Variants in PALS1 observed in about 807,000 individuals in gnomAD.
PALS1 encodes protein associated with LIN7 1, MAGUK p55 family member, also known as protein PALS1.
PALS1 carries 31 observed loss-of-function variants against 78.9 expected under a neutral mutation model. The ratio of observed to expected loss-of-function variants is 0.39; its 90% confidence interval spans 0.30 to 0.53. The LOEUF (loss-of-function observed/expected upper bound fraction) is 0.53, where lower values mean the gene tolerates loss of function less well. Ranked by LOEUF, PALS1 falls within the 20% of genes least tolerant of loss-of-function variation. The pLI, the probability that PALS1 is intolerant of heterozygous loss-of-function variation, is 0.67. For synonymous variants in PALS1, 276 were observed against 270.9 expected, an observed-to-expected ratio of 1.02 and a Z score of -0.18; for missense variants, 704 against 826.5, an observed-to-expected ratio of 0.85 and a Z score of 1.82.
chr14:67,319,610 TAA>T (rs11366985), intron 11 of PALS1, among the ~76,000 whole-genome samples: 3,967 of 128,530 alleles, frequency 0.031, 57 homozygotes, highest in East Asian at 0.065. Context: ...GCTGATGAGC[TAA>T]AAAAAAAAAA....
chr14:67,307,292 T>C (rs1452749478), intron 8 of PALS1, among the ~76,000 whole-genome samples: 1 of 146,918 alleles, frequency 6.8e-6, no homozygotes, highest in East Asian at 2.2e-4. Context: ...TGTAAAACTT[T>C]AGATTATTCT....
rs761988976 is a variant in PALS1, at chr14:67,312,547, T to A, written c.1062T>A (p.Phe354Leu). 1.3e-6 allele frequency: 2 copies of A among 1,587,684 alleles called. No individual in the cohort carries two copies. Among genetic ancestry groups the A allele is most frequent in the African/African-American group, 2.7e-5 (2 of 74,500 alleles). Residue 354 changes from phenylalanine to leucine, a missense_variant, in exon 9 of 15, where the codon TTT (phenylalanine) becomes TTA (leucine). Transcript: ENST00000261681. ...KETVIHVKAH[F>L]DYDPSDDPYV... ...TTTAGATCCATGTAAAAGCTCATTT[T>A]GACTATGACCCCTCAGATGACCCTT...
chr14:67,252,831 T>G lies in PALS1; in HGVS notation c.-237+11298T>G, dbSNP rs572753773. Among the ~76,000 whole-genome samples, 3 of 152,372 alleles carry G rather than the reference T, an allele frequency of 2.0e-5. No homozygotes were observed. The South Asian group carries it at 6.2e-4, about 32-fold the overall frequency. ...GTGAGCTAAATATTAGAGACTGTTC[T>G]GTTCTAGTCATCTCCCATAAACAGA... On this transcript the variant is annotated intron_variant, in intron 1 of 14. Coordinates refer to ENST00000261681, the MANE Select transcript of PALS1 (RefSeq NM_022474.4).
chr14:67,272,323 C>A (rs1323215428), intron 2 of PALS1, among the ~76,000 whole-genome samples: 1 of 152,178 alleles, frequency 6.6e-6, no homozygotes, highest in Non-Finnish European at 1.5e-5. Flanking sequence ...CATCTTCCCA[C>A]CTTTGGTTCA....
At chr14:67,321,344 G>T in intron 13 of PALS1, 85 bp downstream of exon 13, 2 of 1,262,534 alleles carry the variant, frequency 1.6e-6, no homozygotes, top group South Asian at 2.5e-5. Context: ...TTTGGTCCAA[G>T]AACAGCGCGA....
In PALS1 at chr14:67,269,731, C is replaced by T. The variant is rs966636260; in HGVS notation, c.-206C>T. The T allele has an allele frequency of 2.0e-5, 3 of 152,424 alleles. No individual in the cohort carries two copies. Among genetic ancestry groups the T allele is most frequent in the Non-Finnish European group, 4.4e-5 (3 of 68,018 alleles). 9.4% of individuals were successfully genotyped at this position (152,424 alleles called of 1,614,324 possible). A position where few individuals can be genotyped will look rare whatever the true frequency, so the allele number is the denominator to read the frequency against. On this transcript the variant is annotated 5_prime_UTR_variant, in exon 2 of 15. Coordinates refer to ENST00000261681, the MANE Select transcript of PALS1 (RefSeq NM_022474.4). Reference sequence around the variant, plus strand: ...GAAAGCCTTGAGTTTTGTGAAAAACCGGAGAAGAGAAACTAAAAGGACAGT... The same window carrying T: ...GAAAGCCTTGAGTTTTGTGAAAAACTGGAGAAGAGAAACTAAAAGGACAGT...
chr14:67,268,332 G>A (rs1011294290), intron 1 of PALS1, among the ~76,000 whole-genome samples: 1 of 152,146 alleles, frequency 6.6e-6, no homozygotes, highest in Admixed American at 6.5e-5. Context: ...GAATTCATCT[G>A]TTACCCGAAG....
At position 67,333,329 on chromosome 14, in the gene PALS1, A is replaced by G. The variant is rs2085479133; in HGVS notation, c.*373A>G. 1 of 162,014 alleles carries G rather than the reference A, an allele frequency of 6.2e-6. No homozygotes were observed. The highest frequency in any genetic ancestry group is 2.4e-5 in the African/African-American group (1 of 41,762). 10.0% of individuals were successfully genotyped at this position (162,014 alleles called of 1,614,324 possible). A position where few individuals can be genotyped will look rare whatever the true frequency, so the allele number is the denominator to read the frequency against. On this transcript the variant is annotated 3_prime_UTR_variant, in exon 15 of 15. Coordinates refer to ENST00000261681, the MANE Select transcript of PALS1 (RefSeq NM_022474.4). ...CATGTCTCACACAAATATTGATGTG[A>G]TTATTCTTAAGTGTTAAATCATTAA... is the stretch of plus-strand genomic sequence containing the variant.
chr14:67,279,129 A>C lies in PALS1; in HGVS notation c.-42A>C. The stretch of plus-strand genomic sequence containing the variant: ...AATCAAGAGAATTGGCTTATAGGAA[A>C]AATTGATTTATAAAAAGTGGTACAG... On this transcript the variant is annotated 5_prime_UTR_variant, in exon 3 of 15. Coordinates refer to ENST00000261681, the MANE Select transcript of PALS1 (RefSeq NM_022474.4). 1 of 1,500,434 alleles carries C rather than the reference A, an allele frequency of 6.7e-7. No individual in the cohort carries two copies. The highest frequency in any genetic ancestry group is 1.4e-5 in the South Asian group (1 of 69,534). 92.9% of individuals were successfully genotyped at this position (1,500,434 alleles called of 1,614,324 possible).
At chr14:67,327,646 C>T (rs1052663982) in intron 14 of PALS1, among the ~76,000 whole-genome samples, 3 of 152,054 alleles carry the variant, frequency 2.0e-5, no homozygotes, top group Admixed American at 6.5e-5. Flanking sequence ...CCTCTCCCCC[C>T]ACCCCACAAC....
At chr14:67,311,885 A>G (rs1452937606) in intron 8 of PALS1, 2 of 152,582 alleles carry the variant, frequency 1.3e-5, no homozygotes, top group African/African-American at 4.8e-5. Flanking sequence ...TGCTTGTTTC[A>G]TGAACATATC....
Position 67,306,605 on chromosome 14 carries a change from A to G in PALS1, c.1041+3006A>G, listed in dbSNP as rs1595602760. 6.7e-5 allele frequency among the ~76,000 whole-genome samples: 10 copies of G among 148,490 alleles called. No individual in the cohort carries two copies. The South Asian group carries it at 2.2e-3, about 32-fold the overall frequency. On this transcript the variant is annotated intron_variant, in intron 8 of 14. Coordinates refer to ENST00000261681, the MANE Select transcript of PALS1 (RefSeq NM_022474.4). ...GCTGGTCTTGAACTCCTGACCTCTGATGATCCGCCCACCTTGGCCTCCCAA... is the reference window on the plus strand; with the variant it reads ...GCTGGTCTTGAACTCCTGACCTCTGGTGATCCGCCCACCTTGGCCTCCCAA...
chr14:67,271,441 G>T (rs893275318), intron 2 of PALS1: 7 of 152,210 alleles, frequency 4.6e-5, no homozygotes, highest in African/African-American at 7.2e-5. Context: ...GGGTCAGCCT[G>T]GTTCCTGACT....
chr14:67,280,984 G>A (rs181552661), intron 3 of PALS1, among the ~76,000 whole-genome samples: 25 of 150,728 alleles, frequency 1.7e-4, no homozygotes, highest in Non-Finnish European at 3.2e-4. Flanking sequence ...AGCAATCTCC[G>A]CCTTCCCAGG....
chr14:67,334,762 C>G lies in PALS1; in HGVS notation c.*1806C>G, dbSNP rs544921758. ...TCCAGTTTAGAGCCAGGAAATTTCA[C>G]AGGTCACACCGATTTTTAGCATTAA... On this transcript the variant is annotated 3_prime_UTR_variant, in exon 15 of 15. Transcript: ENST00000261681. 15 of 152,324 alleles carry G rather than the reference C, an allele frequency of 9.8e-5. No individual in the cohort carries two copies. The highest frequency in any genetic ancestry group is 3.6e-4 in the African/African-American group (15 of 41,570). The allele number at this position is 152,324 out of a possible 1,614,324, so 9.4% of individuals were successfully genotyped here. A position where few individuals can be genotyped will look rare whatever the true frequency, so the allele number is the denominator to read the frequency against.
intron 1 of PALS1, among the ~76,000 whole-genome samples, chr14:67,242,984 AAATCTC>A (rs1186670072): frequency 6.6e-6 from 1 of 152,180 alleles, no homozygotes; most frequent in African/African-American, 2.4e-5. Context: ...TTTTGATTAA[AAATCTC>A]ATCACAGGGG....
chr14:67,326,784 G>A (rs1463889198), intron 14 of PALS1, among the ~76,000 whole-genome samples: 1 of 152,172 alleles, frequency 6.6e-6, no homozygotes, highest in African/African-American at 2.4e-5. Flanking sequence ...GATCTGTGTT[G>A]CATCTAACAG....
intron 8 of PALS1, 129 bp from the exon 9 acceptor site, chr14:67,312,398 T>G: frequency 1.7e-6 from 1 of 585,680 alleles, no homozygotes; most frequent in Non-Finnish European, 2.7e-6. Context: ...GACAACATAC[T>G]GAGATGCTGT....
intron 14 of PALS1, among the ~76,000 whole-genome samples, chr14:67,332,223 T>C (rs766368214): frequency 6.6e-6 from 1 of 152,198 alleles, no homozygotes; most frequent in Non-Finnish European, 1.5e-5. Flanking sequence ...GCTGCCTGCT[T>C]ATCTTTGTAA....
Sources: gnomAD v4.1 joint callset for allele counts (sites outside exome capture counted in the v4.1 genomes callset) on GRCh38, gnomAD v4.1.1 for gene constraint, MANE v1.5 for transcripts, NCBI Gene and HGNC (gene_info 2026-07-23, HGNC 2026-07-21) for gene names.